The following MGA variants were observed in gnomAD, a reference collection of about 807,000 sequenced individuals.
MGA encodes the protein MAX gene-associated protein.
MGA carries 40 observed loss-of-function variants against 261.1 expected under a neutral mutation model. The observed-to-expected ratio is 0.15, with a 90% CI of 0.12 to 0.20. MGA has a LOEUF of 0.20. Among genes scored for constraint, MGA ranks in the 10% least tolerant of loss-of-function variants. MGA has a pLI of 1.00. For missense variants in MGA, 3,397 were observed against 3,630.5 expected (o/e 0.94, Z 1.65); for synonymous variants, 1,302 against 1,290.6 (o/e 1.01, Z -0.19).
chr15:41,636,378 C>T (rs557608988), intron 1 of MGA, among the ~76,000 whole-genome samples: 4 of 151,884 alleles, frequency 2.6e-5, no homozygotes, highest in Admixed American at 6.6e-5. Flanking sequence ...CTGCAACCCC[C>T]GCCCCCCAGG....
At chr15:41,749,034 A>G in intron 16 of MGA, 77 bp from the exon 17 acceptor site, 2 of 1,544,046 alleles carry the variant, frequency 1.3e-6, no homozygotes, top group South Asian at 2.5e-5. Context: ...TTACTTTTCC[A>G]AAAAGAAAAG....
At chr15:41,759,277 A>G (rs1272969307) in intron 19 of MGA, among the ~76,000 whole-genome samples, 1 of 152,154 alleles carries the variant, frequency 6.6e-6, no homozygotes, top group Non-Finnish European at 1.5e-5. Context: ...GTCAATAGAT[A>G]GCATTGAAAA....
In MGA at chr15:41,736,219, T is replaced by G; in HGVS notation, c.3955T>G (p.Ser1319Ala). The G allele has an allele frequency of 6.2e-7, 1 of 1,602,392 alleles. No individual in the cohort carries two copies. Among genetic ancestry groups the G allele is most frequent in the South Asian group, 1.1e-5 (1 of 89,020 alleles). Reference sequence around the variant, plus strand: ...GTCTTCCTGCAATGAAGGAGAATCCTCTTCTACTTCTTATATGCATCAGAG... The same window carrying G: ...GTCTTCCTGCAATGAAGGAGAATCCGCTTCTACTTCTTATATGCATCAGAG... The change falls in exon 13 of 24, where the codon TCT becomes GCT. Residue 1319 changes from serine (S) to alanine (A), a missense_variant. By Grantham distance (99) the Ser-to-Ala change is moderately conservative. Transcript: ENST00000219905.
intron 1 of MGA, among the ~76,000 whole-genome samples, chr15:41,640,582 C>A (rs924773978): frequency 6.6e-6 from 1 of 151,786 alleles, no homozygotes; most frequent in Non-Finnish European, 1.5e-5. Context: ...TACAATGGTG[C>A]GATCTCGGCT....
In MGA at chr15:41,738,821, T is replaced by C. The variant is rs73407252; in HGVS notation, c.4435-1232T>C. On this transcript the variant is annotated intron_variant, in intron 13 of 23. Coordinates refer to ENST00000219905, the MANE Select transcript of MGA (RefSeq NM_001164273.2). ...CAGTAAAGTCTACTTTCAGGGGGAA[T>C]GATCACATTCTTTGTACCAAACTCA... is the stretch of plus-strand genomic sequence containing the variant. Among the ~76,000 whole-genome samples the C allele has an allele frequency of 6.9e-3, 1,052 of 152,296 alleles. 12 individuals carry two copies. Among genetic ancestry groups the C allele is most frequent in the African/African-American group, 0.024 (1,002 of 41,562 alleles).
chr15:41,700,319 T>C (rs1000333627), intron 5 of MGA, among the ~76,000 whole-genome samples: 2 of 152,110 alleles, frequency 1.3e-5, no homozygotes, highest in Non-Finnish European at 2.9e-5. Context: ...GTGCTGAGAT[T>C]ACAGGCGTGA....
intron 5 of MGA, among the ~76,000 whole-genome samples, chr15:41,706,682 G>T (rs541154840): frequency 6.7e-6 from 1 of 148,870 alleles, no homozygotes; most frequent in African/African-American, 2.5e-5. Flanking sequence ...CCAGGTTCAA[G>T]TGATTCTCCT....
Position 41,766,309 on chromosome 15 carries a change from T to G in MGA, c.8227T>G (p.Leu2743Val). Reference sequence around the variant, plus strand: ...CAATATGCAGAAAGCACAAGAGTTCTTACCTAAAAAGATTTCTGGTGATAT... The same window carrying G: ...CAATATGCAGAAAGCACAAGAGTTCGTACCTAAAAAGATTTCTGGTGATAT... The change falls in exon 24 of 24, where the codon TTA becomes GTA. Residue 2743 changes from leucine (L) to valine (V), a missense_variant. Leu to Val is a conservative substitution (Grantham distance 32). Coordinates refer to ENST00000219905, the MANE Select transcript of MGA (RefSeq NM_001164273.2). The G allele has an allele frequency of 6.2e-7, 1 of 1,613,898 alleles. No homozygotes were observed. The highest frequency in any genetic ancestry group is 8.5e-7 in the Non-Finnish European group (1 of 1,179,850).
At chr15:41,737,074 A>G (rs1031194379) in intron 13 of MGA, among the ~76,000 whole-genome samples, 3 of 152,228 alleles carry the variant, frequency 2.0e-5, no homozygotes, top group Admixed American at 2.0e-4. Flanking sequence ...AAACAAAACC[A>G]TGGTTAGAAC....
chr15:41,694,390 C>A (rs941195058), intron 2 of MGA, among the ~76,000 whole-genome samples: 1 of 151,676 alleles, frequency 6.6e-6, no homozygotes, highest in Non-Finnish European at 1.5e-5. Context: ...AGAGCAAGAC[C>A]CCATCTCAGG....
At chr15:41,765,139 G>C in intron 23 of MGA, 77 bp downstream of exon 23, 1 of 1,497,508 alleles carries the variant, frequency 6.7e-7, no homozygotes, top group Non-Finnish European at 9.3e-7. Context: ...GGAAGGCTTT[G>C]GATGTGTTCT....
intron 1 of MGA, among the ~76,000 whole-genome samples, chr15:41,646,278 A>G (rs1479104837): frequency 6.6e-6 from 1 of 151,976 alleles, no homozygotes; most frequent in African/African-American, 2.4e-5. Context: ...TGTAGTTTTT[A>G]TTTTTGTGAA....
At chr15:41,624,346 C>T (rs554115622) in intron 1 of MGA, among the ~76,000 whole-genome samples, 112 of 152,196 alleles carry the variant, frequency 7.4e-4, no homozygotes, top group African/African-American at 2.6e-3. Context: ...ATCCCAGTTT[C>T]AAGTGATTCT....
At chr15:41,765,589 T>G (rs1879055798) in intron 23 of MGA, among the ~76,000 whole-genome samples, 1 of 152,216 alleles carries the variant, frequency 6.6e-6, no homozygotes, top group Non-Finnish European at 1.5e-5. Flanking sequence ...CCAGCCAAAA[T>G]TCCTTGTCTC....
At chr15:41,719,370 T>TG (rs1393851710) in intron 9 of MGA, among the ~76,000 whole-genome samples, 2 of 152,176 alleles carry the variant, frequency 1.3e-5, no homozygotes, top group African/African-American at 4.8e-5. Flanking sequence ...AACAGGCTTC[T>TG]GGGGGATAGA....
In MGA at chr15:41,661,113, A is replaced by G. The variant is rs373595427; in HGVS notation, c.-68+588A>G. On this transcript the variant is annotated intron_variant, in intron 1 of 23. Coordinates refer to ENST00000219905, the MANE Select transcript of MGA (RefSeq NM_001164273.2). ...ACGTCAAGTTTAATAAAGGAGGGCG[A>G]GGAAGTGAGCTGTAGGAGTGGGGAC... Among the ~76,000 whole-genome samples, 21 of 152,284 alleles carry G rather than the reference A, an allele frequency of 1.4e-4. No individual in the cohort carries two copies. In the East Asian group the frequency reaches 3.1e-3, roughly 22 times the overall value.
chr15:41,746,390 A>C (rs961499358), intron 15 of MGA, among the ~76,000 whole-genome samples: 4 of 151,988 alleles, frequency 2.6e-5, no homozygotes, highest in Non-Finnish European at 5.9e-5. Context: ...AAAATACAAA[A>C]AAAATTAGCC....
intron 23 of MGA, among the ~76,000 whole-genome samples, chr15:41,765,470 T>G (rs1233172207): frequency 6.6e-6 from 1 of 152,264 alleles, no homozygotes; most frequent in East Asian, 1.9e-4. Flanking sequence ...AAGGGTAAAG[T>G]TGAAAGAGAA....
At chr15:41,638,032 CTTTTTTTTTTTTTTT>C (rs56390631) in intron 1 of MGA, among the ~76,000 whole-genome samples, 5 of 42,968 alleles carry the variant, frequency 1.2e-4, no homozygotes, top group Admixed American at 9.7e-4. Flanking sequence ...CTGTGCCCAG[CTTTTTTTTTTTTTTT>C]TTTTTTTTTT....
Sources: gnomAD v4.1 joint callset for allele counts (sites outside exome capture counted in the v4.1 genomes callset) on GRCh38, gnomAD v4.1.1 for gene constraint, MANE v1.5 for transcripts, NCBI Gene and HGNC (gene_info 2026-07-23, HGNC 2026-07-21) for gene names.